The following SLIT3 variants were observed in gnomAD, a reference collection of about 807,000 sequenced individuals.
The protein encoded by SLIT3 is slit guidance ligand 3, also known as slit homolog 3 protein.
Under a neutral mutation model 184.0 loss-of-function variants are expected in SLIT3, and 68 were observed. The ratio of observed to expected loss-of-function variants is 0.37; its 90% CI spans 0.30 to 0.45. The LOEUF (loss-of-function observed/expected upper bound fraction) is 0.45, where lower values mean the gene tolerates loss of function less well. SLIT3 is among the 20% of genes least tolerant of loss of function. The pLI is 1.00. For synonymous variants in SLIT3, 831 were observed against 828.6 expected (o/e 1.00, Z -0.05); for missense variants, 1,707 against 2,026.0 (o/e 0.84, Z 3.02).
chr5:169,046,643 G>A (rs1451074698), intron 4 of SLIT3, among the ~76,000 whole-genome samples: 1 of 152,160 alleles, frequency 6.6e-6, no homozygotes, highest in Non-Finnish European at 1.5e-5. Context: ...CATTCCTTTT[G>A]GGCGCTGGAG....
chr5:169,275,171 C>T (rs945042613), intron 1 of SLIT3, among the ~76,000 whole-genome samples: 3 of 152,200 alleles, frequency 2.0e-5, no homozygotes, highest in African/African-American at 4.8e-5. Flanking sequence ...TACTTACACA[C>T]AGGTGGTGTG....
In SLIT3 at chr5:169,234,649, C is replaced by T. The variant is rs571007709; in HGVS notation, c.341+10056G>A. ...TCTGGAACTCTTGACCTGAAGTGAT[C>T]TGCCTACCTCAGCCTCCCAAAGTGC... On this transcript the variant is annotated intron_variant, in intron 3 of 35. Coordinates refer to ENST00000519560, the MANE Select transcript of SLIT3 (RefSeq NM_003062.4). 1.1e-3 allele frequency among the ~76,000 whole-genome samples: 168 copies of T among 152,172 alleles called. 1 individual carries two copies. The highest frequency in any genetic ancestry group is 3.8e-3 in the African/African-American group (157 of 41,516).
chr5:169,044,495 T>C (rs1319334566), intron 4 of SLIT3, among the ~76,000 whole-genome samples: 1 of 148,924 alleles, frequency 6.7e-6, no homozygotes, highest in Non-Finnish European at 1.5e-5. Flanking sequence ...AAAGGCCACA[T>C]ACTGCAGGAT....
At chr5:169,289,894 C>CT (rs1326603089) in intron 1 of SLIT3, among the ~76,000 whole-genome samples, 1 of 152,178 alleles carries the variant, frequency 6.6e-6, no homozygotes, top group Non-Finnish European at 1.5e-5. Flanking sequence ...AGGGCACACA[C>CT]TAGGGCATAT....
chr5:169,162,775 T>G (rs1413027788), intron 4 of SLIT3, among the ~76,000 whole-genome samples: 1 of 152,140 alleles, frequency 6.6e-6, no homozygotes, highest in Non-Finnish European at 1.5e-5. Flanking sequence ...AAAATGAAGT[T>G]AGGGCAATGA....
rs1347039450 is a variant in SLIT3 at position 168,696,419 on chromosome 5, A to C, written c.2955T>G (p.Pro985=). 1 of 1,614,104 alleles carries C rather than the reference A, an allele frequency of 6.2e-7. No individual in the cohort carries two copies. Among genetic ancestry groups the C allele is most frequent in the Non-Finnish European group, 8.5e-7 (1 of 1,180,026 alleles). Residue 985 remains proline (P), a synonymous_variant, in exon 28 of 36, where the codon CCT becomes CCG. Coordinates refer to ENST00000519560, the MANE Select transcript of SLIT3 (RefSeq NM_003062.4). Reference sequence around the variant, plus strand: ...CACACCGCTGCCCCTCAAAGCCCAGAGGGCAGGAGCAGCTTTGGGATGTGA... The same window carrying C: ...CACACCGCTGCCCCTCAAAGCCCAGCGGGCAGGAGCAGCTTTGGGATGTGA... ...SHKDGFSCSC[P]LGFEGQRCEI...
At chr5:168,952,528 C>CAAAAAAAAAAAAA (rs372134778) in intron 4 of SLIT3, among the ~76,000 whole-genome samples, 5 of 77,930 alleles carry the variant, frequency 6.4e-5, no homozygotes, top group African/African-American at 2.9e-4. Context: ...GGGAAAATGC[C>CAAAAAAAAAAAAA]AAAAAAAAAA....
chr5:168,729,622 C>T (rs983033971), intron 20 of SLIT3, among the ~76,000 whole-genome samples: 2 of 151,886 alleles, frequency 1.3e-5, no homozygotes, highest in African/African-American at 4.8e-5. Context: ...CTAGAGCAAC[C>T]CTATAGGAAA....
intron 4 of SLIT3, among the ~76,000 whole-genome samples, chr5:168,911,233 T>C (rs1179122668): frequency 6.6e-6 from 1 of 152,292 alleles, no homozygotes; most frequent in Non-Finnish European, 1.5e-5. Context: ...AATAGATATA[T>C]GTATGTTAAA....
chr5:168,975,458 C>T (rs904552673), intron 4 of SLIT3, among the ~76,000 whole-genome samples: 1 of 151,878 alleles, frequency 6.6e-6, no homozygotes, highest in African/African-American at 2.4e-5. Context: ...TACAGACACC[C>T]CCCCACACAC....
At chr5:169,240,764 T>C (rs1164256523) in intron 3 of SLIT3, among the ~76,000 whole-genome samples, 1 of 151,700 alleles carries the variant, frequency 6.6e-6, no homozygotes, top group African/African-American at 2.4e-5. Flanking sequence ...ATCATCTTTC[T>C]GTTTGTTGTC....
At chr5:168,856,806 T>TGTGTGTGTGTGTGTGCGCGCGCGC (rs374432432) in intron 5 of SLIT3, among the ~76,000 whole-genome samples, 1 of 137,738 alleles carries the variant, frequency 7.3e-6, no homozygotes, top group African/African-American at 2.8e-5. Flanking sequence ...TGTGTGTGTG[T>TGTGTGTGTGTGTGTGCGCGCGCGC]GCGCGCGCGC....
intron 4 of SLIT3, among the ~76,000 whole-genome samples, chr5:169,029,417 C>T (rs1029050514): frequency 1.3e-5 from 2 of 152,216 alleles, no homozygotes; most frequent in African/African-American, 4.8e-5. Context: ...TTTGGGTCCT[C>T]TCCTCGGACC....
At chr5:169,170,539 C>T (rs992375935) in intron 4 of SLIT3, among the ~76,000 whole-genome samples, 2 of 152,030 alleles carry the variant, frequency 1.3e-5, no homozygotes, top group Non-Finnish European at 2.9e-5. Flanking sequence ...ACTGCCCATG[C>T]GGGACAGTGA....
chr5:168,841,997 G>A (rs1286990324), intron 6 of SLIT3, among the ~76,000 whole-genome samples: 1 of 152,184 alleles, frequency 6.6e-6, no homozygotes, highest in African/African-American at 2.4e-5. Flanking sequence ...AAGCTAATGT[G>A]TAATACTGTC....
intron 20 of SLIT3, among the ~76,000 whole-genome samples, chr5:168,745,917 G>A (rs4379215): frequency 3.3e-5 from 5 of 151,952 alleles, no homozygotes; most frequent in African/African-American, 9.7e-5. Context: ...CAAGACCCCC[G>A]ACTAGGAAAA....
chr5:168,897,858 G>C (rs908236724), intron 4 of SLIT3, among the ~76,000 whole-genome samples: 1 of 152,018 alleles, frequency 6.6e-6, no homozygotes, highest in African/African-American at 2.4e-5. Flanking sequence ...ACCGAGCTCA[G>C]GTCTCTGTGC....
At chr5:169,215,719 A>G (rs1477029960) in intron 3 of SLIT3, among the ~76,000 whole-genome samples, 1 of 152,194 alleles carries the variant, frequency 6.6e-6, no homozygotes, top group Non-Finnish European at 1.5e-5. Flanking sequence ...GCTCCTAAAG[A>G]TTTCCTGAAT....
chr5:168,776,741 GA>G (rs1331607531), intron 12 of SLIT3, among the ~76,000 whole-genome samples: 1 of 152,166 alleles, frequency 6.6e-6, no homozygotes, highest in African/African-American at 2.4e-5. Context: ...AAGGAAATGT[GA>G]TAGAGCAGAG....
Sources: allele counts gnomAD v4.1 joint callset (sites outside exome capture counted in the v4.1 genomes callset), GRCh38; gene constraint gnomAD v4.1.1; transcripts MANE v1.5; gene names NCBI Gene and HGNC (gene_info 2026-07-23, HGNC 2026-07-21).